RBFOX1: variants seen among roughly 807,000 people sequenced by gnomAD.
The protein encoded by RBFOX1 is RNA binding protein fox-1 homolog 1.
In RBFOX1, 8 loss-of-function variants were observed where a neutral mutation model predicts 57.7. The observed-to-expected ratio is 0.14, with a 90% CI of 0.08 to 0.25. The LOEUF (loss-of-function observed/expected upper bound fraction) is 0.25, where lower values mean the gene tolerates loss of function less well. Ranked by LOEUF, RBFOX1 falls within the 10% of genes least tolerant of loss-of-function variation. RBFOX1 has a pLI of 1.00. For missense variants in RBFOX1, 611 were observed against 548.5 expected (o/e 1.11, Z -1.14); for synonymous variants, 326 against 222.4 (o/e 1.47, Z -4.15).
intron 2 of RBFOX1, among the ~76,000 whole-genome samples, chr16:6,429,163 G>C (rs2094009054): frequency 1.3e-5 from 2 of 152,220 alleles, no homozygotes; most frequent in Non-Finnish European, 2.9e-5. Flanking sequence ...GCTGTGATTG[G>C]TGCTGGATTT....
rs569026866 is a variant in RBFOX1 at position 7,568,995 on chromosome 16, C to G, written c.271-10782C>G. 2.0e-5 allele frequency among the ~76,000 whole-genome samples: 3 copies of G among 150,192 alleles called. No homozygotes were observed. In the Admixed American group the frequency reaches 2.0e-4, roughly 10 times the overall value. On this transcript the variant is annotated intron_variant, in intron 5 of 15. Coordinates refer to ENST00000550418, the MANE Select transcript of RBFOX1 (RefSeq NM_018723.4). Reference sequence around the variant, plus strand: ...TATTCAAGATGGAGTTGCTTTCATTCTCCTGCCTCTGACAATTACGGTCAT... The same window carrying G: ...TATTCAAGATGGAGTTGCTTTCATTGTCCTGCCTCTGACAATTACGGTCAT...
intron 5 of RBFOX1, among the ~76,000 whole-genome samples, chr16:7,519,045 T>C (rs1000225396): frequency 3.3e-5 from 5 of 152,092 alleles, no homozygotes; most frequent in African/African-American, 4.8e-5. Context: ...AATAAAGTCT[T>C]TGTGGAATTA....
At chr16:7,152,729 C>T (rs578205716) in intron 4 of RBFOX1, among the ~76,000 whole-genome samples, 15 of 152,140 alleles carry the variant, frequency 9.9e-5, no homozygotes, top group Non-Finnish European at 1.3e-4. Context: ...TATCTTGACT[C>T]CTGGAAAAAT....
intron 3 of RBFOX1, among the ~76,000 whole-genome samples, chr16:5,618,866 A>T (rs2048123138): frequency 6.6e-6 from 1 of 152,176 alleles, no homozygotes; most frequent in Non-Finnish European, 1.5e-5. Flanking sequence ...TGGGTGTCAG[A>T]TCCAGAACCC....
chr16:7,521,385 A>G (rs953786259), intron 5 of RBFOX1, among the ~76,000 whole-genome samples: 1 of 152,248 alleles, frequency 6.6e-6, no homozygotes, highest in East Asian at 1.9e-4. Flanking sequence ...ACCATTAAAA[A>G]GAGTTTAAGC....
At chr16:6,221,220 C>T (rs2097371250) in intron 1 of RBFOX1, among the ~76,000 whole-genome samples, 1 of 152,180 alleles carries the variant, frequency 6.6e-6, no homozygotes, top group African/African-American at 2.4e-5. Flanking sequence ...TAACTACTAG[C>T]AATGCATATA....
chr16:5,953,866 A>G (rs1331510475), intron 4 of RBFOX1, among the ~76,000 whole-genome samples: 2 of 152,050 alleles, frequency 1.3e-5, no homozygotes, highest in African/African-American at 4.8e-5. Context: ...CAGTAGTGGG[A>G]TTGCTGTATA....
intron 4 of RBFOX1, among the ~76,000 whole-genome samples, chr16:7,315,091 C>CTATTTCT (rs5815394): frequency 2.2e-4 from 6 of 27,020 alleles, no homozygotes; most frequent in African/African-American, 6.2e-4. Flanking sequence ...GAGAAAAGCT[C>CTATTTCT]TTTTTTTTTT....
intron 14 of RBFOX1, among the ~76,000 whole-genome samples, chr16:7,682,665 C>G (rs1176449309): frequency 1.3e-5 from 2 of 150,894 alleles, no homozygotes; most frequent in Non-Finnish European, 2.9e-5. Flanking sequence ...AGAAATGAGT[C>G]ACTCATGCCT....
At chr16:7,169,536 C>A (rs1486225889) in intron 4 of RBFOX1, among the ~76,000 whole-genome samples, 1 of 152,162 alleles carries the variant, frequency 6.6e-6, no homozygotes, top group Non-Finnish European at 1.5e-5. Context: ...AGGGTAAAAT[C>A]CCCTTGTAGA....
chr16:6,192,216 C>T (rs371951760), intron 1 of RBFOX1, among the ~76,000 whole-genome samples: 13 of 152,110 alleles, frequency 8.5e-5, no homozygotes, highest in African/African-American at 3.1e-4. Context: ...GCACACCCCT[C>T]GGGACCAGTC....
chr16:6,886,234 G>A (rs995882316), intron 3 of RBFOX1, among the ~76,000 whole-genome samples: 8 of 151,682 alleles, frequency 5.3e-5, no homozygotes, highest in African/African-American at 1.9e-4. Context: ...GCTAATTTTT[G>A]TATTTTTAGT....
intron 13 of RBFOX1, among the ~76,000 whole-genome samples, chr16:7,675,237 G>A (rs1196506278): frequency 1.4e-5 from 2 of 145,818 alleles, no homozygotes; most frequent in South Asian, 2.5e-4. Context: ...TCTTTAGTCC[G>A]TCACTCTGTT....
At chr16:6,724,208 A>AT (rs35887818) in intron 3 of RBFOX1, among the ~76,000 whole-genome samples, 17,946 of 127,978 alleles carry the variant, frequency 0.14, 1,486 homozygotes, top group Non-Finnish European at 0.17. Context: ...GGCATCTTCC[A>AT]TTTTTTTTTT....
intron 3 of RBFOX1, among the ~76,000 whole-genome samples, chr16:7,035,781 G>C (rs1361395966): frequency 6.6e-6 from 1 of 152,014 alleles, no homozygotes; most frequent in African/African-American, 2.4e-5. Context: ...AGTCCTTCCA[G>C]TTAGGATTCC....
intron 2 of RBFOX1, among the ~76,000 whole-genome samples, chr16:6,435,961 T>C (rs2094221876): frequency 6.6e-6 from 1 of 152,078 alleles, no homozygotes; most frequent in Non-Finnish European, 1.5e-5. Context: ...CATGTGATGG[T>C]TTTTCATTCT....
chr16:6,047,228 G>T (rs756439419), intron 1 of RBFOX1, among the ~76,000 whole-genome samples: 5 of 152,178 alleles, frequency 3.3e-5, no homozygotes, highest in Admixed American at 3.3e-4. Context: ...GTGTATGTGC[G>T]TGTGTTTCCT....
intron 2 of RBFOX1, among the ~76,000 whole-genome samples, chr16:5,487,852 G>C (rs1216092580): frequency 6.6e-6 from 1 of 152,074 alleles, no homozygotes; most frequent in East Asian, 1.9e-4. Context: ...TCGTGGGCAT[G>C]ATGATGATGA....
chr16:7,322,996 C>A (rs1049070086), intron 4 of RBFOX1, among the ~76,000 whole-genome samples: 4 of 152,182 alleles, frequency 2.6e-5, no homozygotes, highest in Admixed American at 1.3e-4. Context: ...TCTTCTCCAG[C>A]CATCAAAGTC....
Sources: gnomAD v4.1 joint callset for allele counts (sites outside exome capture counted in the v4.1 genomes callset) on GRCh38, gnomAD v4.1.1 for gene constraint, MANE v1.5 for transcripts, NCBI Gene and HGNC (gene_info 2026-07-23, HGNC 2026-07-21) for gene names.